Variants in FANCC observed in about 807,000 individuals in gnomAD.
FANCC encodes the protein Fanconi anemia group C protein.
Under a neutral mutation model 71.3 loss-of-function variants are expected in FANCC, and 55 were observed. The observed-to-expected ratio is 0.77, with a 90% CI of 0.62 to 0.97. The LOEUF (loss-of-function observed/expected upper bound fraction) is 0.97. FANCC is among the 50% of genes least tolerant of loss of function. FANCC has a pLI of 0.00. For synonymous variants in FANCC, 275 were observed against 244.9 expected, an observed-to-expected ratio of 1.12 and a Z score of -1.15; for missense variants, 678 against 670.9, an observed-to-expected ratio of 1.01 and a Z score of -0.12.
At chr9:95,141,411 C>T (rs1432909489) in intron 7 of FANCC, among the ~76,000 whole-genome samples, 2 of 148,142 alleles carry the variant, frequency 1.4e-5, no homozygotes, top group Admixed American at 6.8e-5. Context: ...TTAGTTACTG[C>T]TAATTCTTTG....
Position 95,099,210 on chromosome 9 carries a change from T to C in FANCC, c.*2497A>G. On this transcript the variant is annotated 3_prime_UTR_variant, in exon 15 of 15. Coordinates refer to ENST00000289081, the MANE Select transcript of FANCC (RefSeq NM_000136.3). ...CCTCTTCTGTATTTTTGGCTCTCTC[T>C]GAGGGTAGTGGTTTTACCAGCATGC... The C allele has an allele frequency of 4.6e-6, 1 of 217,670 alleles. No homozygotes were observed. Among genetic ancestry groups the C allele is most frequent in the East Asian group, 6.8e-5 (1 of 14,792 alleles). 13.5% of individuals were successfully genotyped at this position (217,670 alleles called of 1,614,324 possible). A position where few individuals can be genotyped will look rare whatever the true frequency, so the allele number is the denominator to read the frequency against.
chr9:95,185,853 A>T (rs1826674531), intron 4 of FANCC, among the ~76,000 whole-genome samples: 1 of 152,212 alleles, frequency 6.6e-6, no homozygotes. Context: ...AAATTCAACA[A>T]GTAGTCATTG....
At chr9:95,254,031 T>C (rs1831511390) in intron 1 of FANCC, among the ~76,000 whole-genome samples, 1 of 152,126 alleles carries the variant, frequency 6.6e-6, no homozygotes, top group Non-Finnish European at 1.5e-5. Context: ...GTCTGGTTCC[T>C]AACAGGCCAC....
At chr9:95,111,296 C>T (rs533171550) in intron 13 of FANCC, 167 bp downstream of exon 13, 2 of 1,580,548 alleles carry the variant, frequency 1.3e-6, no homozygotes, top group South Asian at 2.3e-5. Flanking sequence ...ACGCCTCTGA[C>T]CACAAGGCTG....
At chr9:95,284,091 G>A (rs1407781176) in intron 1 of FANCC, among the ~76,000 whole-genome samples, 2 of 152,188 alleles carry the variant, frequency 1.3e-5, no homozygotes, top group Admixed American at 6.5e-5. Context: ...GTATTTCTAA[G>A]TAGAAACCAA....
In FANCC at chr9:95,193,156, A is replaced by G. The variant is rs61462331; in HGVS notation, c.346-21009T>C. On this transcript the variant is annotated intron_variant, in intron 4 of 14. Transcript: ENST00000289081. The stretch of plus-strand genomic sequence containing the variant: ...GTCAACAAGATGAAGATGACCAACA[A>G]TAAAAGAAATGAAGAGCATGCTGAT... 3.8e-3 allele frequency among the ~76,000 whole-genome samples: 573 copies of G among 152,294 alleles called. 2 individuals carry two copies. The highest frequency in any genetic ancestry group is 0.013 in the African/African-American group (559 of 41,566).
At chr9:95,153,934 C>T (rs774875708) in intron 6 of FANCC, among the ~76,000 whole-genome samples, 6 of 152,192 alleles carry the variant, frequency 3.9e-5, no homozygotes, top group Non-Finnish European at 8.8e-5. Flanking sequence ...TTGTTCAATA[C>T]AAACTATAAC....
intron 13 of FANCC, 103 bp downstream of exon 13, chr9:95,111,360 C>T (rs2134541748): frequency 3.8e-6 from 6 of 1,597,908 alleles, no homozygotes; most frequent in Non-Finnish European, 5.1e-6. Context: ...GGGCAGAGCT[C>T]AGGTGTCATG....
intron 1 of FANCC, among the ~76,000 whole-genome samples, chr9:95,253,917 G>A (rs1449126967): frequency 6.6e-6 from 1 of 152,224 alleles, no homozygotes; most frequent in African/African-American, 2.4e-5. Context: ...CAGTTCACAA[G>A]AGGATTCATG....
rs560973784 is a variant in FANCC at position 95,142,675 on chromosome 9, T to C, written c.687-7173A>G. ...TTTATTTCTGTTATCCCACTATACT[T>C]ATAAAAGGGATCTCTTTTAACTCTC... On this transcript the variant is annotated intron_variant, in intron 7 of 14. Transcript: ENST00000289081. The C allele has an allele frequency of 3.9e-5, 6 of 152,324 alleles. No homozygotes were observed. In the South Asian group the frequency reaches 1.2e-3, roughly 32 times the overall value. 9.4% of individuals were successfully genotyped at this position (152,324 alleles called of 1,614,324 possible).
chr9:95,107,905 T>C (rs2071584751), intron 13 of FANCC, among the ~76,000 whole-genome samples: 1 of 152,216 alleles, frequency 6.6e-6, no homozygotes, highest in Non-Finnish European at 1.5e-5. Context: ...TAATTATAAG[T>C]CTGCAGGTTG....
At chr9:95,148,997 G>A (rs1168329659) in intron 7 of FANCC, among the ~76,000 whole-genome samples, 3 of 152,078 alleles carry the variant, frequency 2.0e-5, no homozygotes, top group East Asian at 3.9e-4. Flanking sequence ...ACCAGAAGCA[G>A]ATATGAGAAT....
chr9:95,148,027 G>A (rs1829796916), intron 7 of FANCC, among the ~76,000 whole-genome samples: 3 of 151,990 alleles, frequency 2.0e-5, no homozygotes, highest in Non-Finnish European at 4.4e-5. Flanking sequence ...CACTGATAGC[G>A]CAAAAGCAAC....
At chr9:95,208,725 A>C (rs555676195) in intron 4 of FANCC, among the ~76,000 whole-genome samples, 1 of 152,330 alleles carries the variant, frequency 6.6e-6, no homozygotes, top group South Asian at 2.1e-4. Flanking sequence ...CCAAATCCAG[A>C]ACCCTGCTAA....
chr9:95,271,927 C>CTTCTTTTTTTT (rs1832750730), intron 1 of FANCC, among the ~76,000 whole-genome samples: 1 of 50,480 alleles, frequency 2.0e-5, no homozygotes, highest in Non-Finnish European at 3.6e-5. Flanking sequence ...CAAGCCTCTT[C>CTTCTTTTTTTT]TTTTTTTTTT....
intron 4 of FANCC, among the ~76,000 whole-genome samples, chr9:95,212,386 T>A (rs1828560820): frequency 6.6e-6 from 1 of 151,764 alleles, no homozygotes; most frequent in African/African-American, 2.4e-5. Context: ...AAGATACAGA[T>A]GAACAAAGAT....
intron 5 of FANCC, among the ~76,000 whole-genome samples, 192 bp from the exon 6 acceptor site, chr9:95,171,335 T>G (rs1454222306): frequency 6.6e-6 from 1 of 152,120 alleles, no homozygotes; most frequent in Non-Finnish European, 1.5e-5. Context: ...ATGTTTAATG[T>G]CTATAATTCT....
At chr9:95,185,185 T>C (rs1191646861) in intron 4 of FANCC, among the ~76,000 whole-genome samples, 4 of 152,256 alleles carry the variant, frequency 2.6e-5, no homozygotes, top group African/African-American at 7.2e-5. Context: ...CAGTCTCCTA[T>C]TTCTTTGTAA....
intron 1 of FANCC, among the ~76,000 whole-genome samples, chr9:95,274,913 G>A (rs1203198231): frequency 2.0e-5 from 3 of 152,112 alleles, no homozygotes; most frequent in African/African-American, 7.2e-5. Context: ...TCTGAACTAT[G>A]TATGATACAA....
Sources: gnomAD v4.1 joint callset for allele counts (sites outside exome capture counted in the v4.1 genomes callset) on GRCh38, gnomAD v4.1.1 for gene constraint, MANE v1.5 for transcripts, NCBI Gene and HGNC (gene_info 2026-07-23, HGNC 2026-07-21) for gene names.